TPRG1: variants seen among roughly 807,000 people sequenced by gnomAD.
TPRG1 encodes the protein tumor protein p63-regulated gene 1 protein.
Under a neutral mutation model 29.3 loss-of-function variants are expected in TPRG1, and 29 were observed. The ratio of observed to expected loss-of-function variants is 0.99; its 90% CI spans 0.74 to 1.35. The LOEUF (loss-of-function observed/expected upper bound fraction) is 1.35. TPRG1 is among the 40% of genes most tolerant of loss of function. The pLI is 0.00. For synonymous variants in TPRG1, 130 were observed against 116.8 expected (o/e 1.11, Z -0.73); for missense variants, 327 against 335.0 (o/e 0.98, Z 0.19).
At chr3:189,319,557 T>A (rs1724056919) in intron 5 of TPRG1, among the ~76,000 whole-genome samples, 1 of 151,990 alleles carries the variant, frequency 6.6e-6, no homozygotes, top group African/African-American at 2.4e-5. Flanking sequence ...TTTAACCAGT[T>A]CCGATGGTCT....
intron 4 of TPRG1, among the ~76,000 whole-genome samples, chr3:189,243,514 A>C (rs919586536): frequency 1.3e-5 from 2 of 151,914 alleles, no homozygotes; most frequent in African/African-American, 4.8e-5. Flanking sequence ...AAACTTCTGA[A>C]GCCTACCTGA....
At chr3:189,247,153 A>G (rs1217106278) in intron 4 of TPRG1, among the ~76,000 whole-genome samples, 1 of 151,864 alleles carries the variant, frequency 6.6e-6, no homozygotes, top group Non-Finnish European at 1.5e-5. Flanking sequence ...ATTTTTTACC[A>G]TTCTTTTCTG....
chr3:189,316,777 C>A (rs538683830), intron 5 of TPRG1, among the ~76,000 whole-genome samples: 1 of 152,104 alleles, frequency 6.6e-6, no homozygotes, highest in African/African-American at 2.4e-5. Flanking sequence ...AAGAGAGAGC[C>A]AGAGGTGGGT....
At chr3:189,064,856 C>T (rs2152146519) in intron 4 of TPRG1, among the ~76,000 whole-genome samples, 1 of 152,214 alleles carries the variant, frequency 6.6e-6, no homozygotes, top group South Asian at 2.1e-4. Flanking sequence ...GTCTTAGAAT[C>T]ATTACAAAAT....
intron 1 of TPRG1, among the ~76,000 whole-genome samples, chr3:189,101,667 A>G (rs1719219190): frequency 6.6e-6 from 1 of 152,090 alleles, no homozygotes; most frequent in Non-Finnish European, 1.5e-5. Context: ...AGCCTTGATC[A>G]TTGTGTATCT....
At chr3:189,171,596 A>C (rs1728818878), upstream of TPRG1, among the ~76,000 whole-genome samples, 1 of 152,210 alleles carries the variant, frequency 6.6e-6, no homozygotes, top group South Asian at 2.1e-4. Flanking sequence ...TGTCTTCTAC[A>C]TTTTTGACAA....
intron 4 of TPRG1, among the ~76,000 whole-genome samples, chr3:189,269,980 A>G (rs1714794964): frequency 6.6e-6 from 1 of 152,156 alleles, no homozygotes; most frequent in African/African-American, 2.4e-5. Context: ...TTTCATAAAC[A>G]GGCTCCCTGA....
intron 3 of TPRG1, among the ~76,000 whole-genome samples, chr3:189,237,825 G>T (rs1739776430): frequency 6.6e-6 from 1 of 152,054 alleles, no homozygotes; most frequent in Admixed American, 6.6e-5. Context: ...GACATGAATT[G>T]GTCATCAATC....
At chr3:189,195,482 T>C (rs937416570) in intron 1 of TPRG1, among the ~76,000 whole-genome samples, 29 of 152,100 alleles carry the variant, frequency 1.9e-4, no homozygotes, top group African/African-American at 6.5e-4. Context: ...GGCAGTAGCT[T>C]AGCCTCAAGG....
intron 4 of TPRG1, among the ~76,000 whole-genome samples, chr3:189,066,347 C>T (rs1351196794): frequency 6.6e-6 from 1 of 151,944 alleles, no homozygotes; most frequent in Non-Finnish European, 1.5e-5. Context: ...ATACCCAAAC[C>T]AGACAAAGAA....
Position 189,235,681 on chromosome 3 carries a change from C to T in TPRG1, c.303-3052C>T, listed in dbSNP as rs546462345. ...AGCTTCTTGCAGAGGTTGGTTTTAC[C>T]ATGTTTACAAACCACACTGAAGGGT... is the stretch of plus-strand genomic sequence containing the variant. On this transcript the variant is annotated intron_variant, in intron 3 of 5. Coordinates refer to ENST00000345063, the MANE Select transcript of TPRG1 (RefSeq NM_198485.4). 1.6e-4 allele frequency among the ~76,000 whole-genome samples: 24 copies of T among 152,192 alleles called. No individual in the cohort carries two copies. The South Asian group carries it at 4.4e-3, about 28-fold the overall frequency.
At chr3:189,134,195 G>A (rs1448510715) in intron 3 of TPRG1, among the ~76,000 whole-genome samples, 2 of 152,066 alleles carry the variant, frequency 1.3e-5, no homozygotes, top group Admixed American at 1.3e-4. Flanking sequence ...CTGACCGTGG[G>A]TAAATCACCT....
At chr3:189,275,537 G>T (rs1715988011) in intron 4 of TPRG1, among the ~76,000 whole-genome samples, 1 of 152,102 alleles carries the variant, frequency 6.6e-6, no homozygotes, top group African/African-American at 2.4e-5. Flanking sequence ...AGGGTTAGAG[G>T]GAAAGGCTAT....
intron 3 of TPRG1, among the ~76,000 whole-genome samples, chr3:189,139,336 C>T (rs1724206508): frequency 6.6e-6 from 1 of 152,190 alleles, no homozygotes. Context: ...CTTTGGGGAG[C>T]TGACCCGGAT....
chr3:189,016,299 G>A (rs1355721549), intron 3 of TPRG1, among the ~76,000 whole-genome samples: 3 of 152,082 alleles, frequency 2.0e-5, no homozygotes, highest in Non-Finnish European at 4.4e-5. Context: ...CTTCCATTTG[G>A]AATGGGAGTA....
chr3:189,279,145 T>C (rs1397436029), intron 4 of TPRG1, among the ~76,000 whole-genome samples: 3 of 152,180 alleles, frequency 2.0e-5, no homozygotes, highest in African/African-American at 4.8e-5. Flanking sequence ...TATAAATGAG[T>C]GAATACACCT....
intron 4 of TPRG1, among the ~76,000 whole-genome samples, chr3:189,299,967 T>C (rs1720581131): frequency 6.6e-6 from 1 of 152,218 alleles, no homozygotes; most frequent in Admixed American, 6.5e-5. Flanking sequence ...GGTAGGCAAC[T>C]GGAAGCCACT....
intron 4 of TPRG1, among the ~76,000 whole-genome samples, chr3:189,079,748 C>A (rs1717459241): frequency 1.3e-5 from 2 of 152,186 alleles, no homozygotes. Context: ...ATCATTCAAT[C>A]TTTATTGGCT....
intron 4 of TPRG1, among the ~76,000 whole-genome samples, chr3:189,250,418 T>C (rs1741981105): frequency 6.6e-6 from 1 of 151,558 alleles, no homozygotes; most frequent in Admixed American, 6.6e-5. Context: ...TCATTAACAG[T>C]CTTATTGTTA....
Sources: gnomAD v4.1 joint callset for allele counts (sites outside exome capture counted in the v4.1 genomes callset) on GRCh38, gnomAD v4.1.1 for gene constraint, MANE v1.5 for transcripts, NCBI Gene and HGNC (gene_info 2026-07-23, HGNC 2026-07-21) for gene names.